EDIL3: variants seen among roughly 807,000 people sequenced by gnomAD.
The protein encoded by EDIL3 is EGF-like repeat and discoidin I-like domain-containing protein 3.
In EDIL3, 37 loss-of-function variants were observed where a neutral mutation model predicts 67.4. The ratio of observed to expected loss-of-function variants is 0.55; its 90% CI spans 0.42 to 0.72. The LOEUF is 0.72. Among genes scored for constraint, EDIL3 ranks in the 30% least tolerant of loss-of-function variants. The pLI, the probability that EDIL3 is intolerant of heterozygous loss-of-function variation, is 0.00. For missense variants in EDIL3, 527 were observed against 586.3 expected (o/e 0.90, Z 1.04); for synonymous variants, 195 against 196.3 (o/e 0.99, Z 0.05).
chr5:84,115,846 G>T (rs1747654320), intron 5 of EDIL3, among the ~76,000 whole-genome samples: 1 of 152,224 alleles, frequency 6.6e-6, no homozygotes, highest in South Asian at 2.1e-4. Context: ...AATGCTAAAA[G>T]AGGGACTGAG....
chr5:84,101,400 C>T (rs956919103), intron 6 of EDIL3, among the ~76,000 whole-genome samples: 13 of 151,874 alleles, frequency 8.6e-5, no homozygotes, highest in Admixed American at 6.6e-4. Context: ...TTAAAAAATT[C>T]AAGAGGTTGT....
At chr5:84,239,120 T>C (rs1366052830) in intron 2 of EDIL3, among the ~76,000 whole-genome samples, 2 of 152,182 alleles carry the variant, frequency 1.3e-5, no homozygotes, top group Non-Finnish European at 2.9e-5. Context: ...ATGAGGCCCA[T>C]TCTTTGACAG....
Position 84,009,237 on chromosome 5 carries a change from G to A in EDIL3, c.1138-45877C>T, listed in dbSNP as rs192822973. Among the ~76,000 whole-genome samples the A allele has an allele frequency of 1.6e-4, 24 of 152,248 alleles. No individual in the cohort carries two copies. The East Asian group carries it at 1.7e-3, about 11-fold the overall frequency. On this transcript the variant is annotated intron_variant, in intron 9 of 10. Coordinates refer to ENST00000296591, the MANE Select transcript of EDIL3 (RefSeq NM_005711.5). ...ACAGCCACTTTCTTTATAAAATCCT[G>A]CTTAATGAGGTTTATTTCTGTTTAA... is the stretch of plus-strand genomic sequence containing the variant.
chr5:84,361,201 G>T (rs2112201089), intron 1 of EDIL3, among the ~76,000 whole-genome samples: 1 of 151,518 alleles, frequency 6.6e-6, no homozygotes, highest in Admixed American at 6.6e-5. Context: ...CTTCAAGTGT[G>T]AACAAAAATG....
intron 4 of EDIL3, among the ~76,000 whole-genome samples, chr5:84,161,522 G>C (rs1201798882): frequency 6.6e-6 from 1 of 151,658 alleles, no homozygotes; most frequent in African/African-American, 2.4e-5. Context: ...CCTAATACTA[G>C]ATATTTGTTT....
At chr5:84,226,870 A>C (rs1744462368) in intron 3 of EDIL3, among the ~76,000 whole-genome samples, 1 of 152,030 alleles carries the variant, frequency 6.6e-6, no homozygotes, top group African/African-American at 2.4e-5. Context: ...ATTTTGAAGA[A>C]AAAATGTTCA....
intron 1 of EDIL3, among the ~76,000 whole-genome samples, chr5:84,321,868 A>G (rs1746655627): frequency 6.6e-6 from 1 of 151,960 alleles, no homozygotes; most frequent in Non-Finnish European, 1.5e-5. Flanking sequence ...TCATTTTTCT[A>G]TTTTTCCCAT....
In EDIL3 at chr5:84,129,843, C is replaced by T. The variant is rs545989668; in HGVS notation, c.469+7398G>A. Among the ~76,000 whole-genome samples the T allele has an allele frequency of 2.4e-4, 37 of 152,136 alleles. No homozygotes were observed. In the South Asian group the frequency reaches 3.5e-3, roughly 14 times the overall value. On this transcript the variant is annotated intron_variant, in intron 5 of 10. Coordinates refer to ENST00000296591, the MANE Select transcript of EDIL3 (RefSeq NM_005711.5). ...GTATATAAACATGGTTTGGCATGGA[C>T]AGATCACAACCCCAAATGAAATTTC...
At chr5:83,963,096 T>TATATGGATACTATTTTCAGTAC in intron 10 of EDIL3, 109 bp downstream of exon 10, 1 of 1,320,982 alleles carries the variant, frequency 7.6e-7, no homozygotes, top group East Asian at 2.5e-5. Flanking sequence ...ATTTTCAGTA[T>TATATGGATACTATTTTCAGTAC]ATATGGATAC....
At chr5:84,091,972 T>C (rs577643349) in intron 6 of EDIL3, among the ~76,000 whole-genome samples, 7 of 152,186 alleles carry the variant, frequency 4.6e-5, no homozygotes, top group African/African-American at 1.7e-4. Context: ...TTTACCAACA[T>C]AGGAGAAGAG....
intron 6 of EDIL3, among the ~76,000 whole-genome samples, chr5:84,102,073 T>C (rs1747377327): frequency 6.6e-6 from 1 of 152,056 alleles, no homozygotes; most frequent in South Asian, 2.1e-4. Flanking sequence ...AAAAACCACA[T>C]GATCATCTCA....
chr5:84,043,491 T>C (rs1039455422), intron 9 of EDIL3, among the ~76,000 whole-genome samples: 5 of 152,160 alleles, frequency 3.3e-5, no homozygotes, highest in African/African-American at 1.2e-4. Context: ...GATACACATA[T>C]GTTGTATATA....
chr5:84,229,245 T>C (rs1744514635), intron 3 of EDIL3, among the ~76,000 whole-genome samples: 1 of 152,178 alleles, frequency 6.6e-6, no homozygotes, highest in African/African-American at 2.4e-5. Context: ...TTTGCATTCT[T>C]CATTGCACAT....
intron 3 of EDIL3, among the ~76,000 whole-genome samples, chr5:84,227,098 G>C (rs937478219): frequency 1.3e-5 from 2 of 151,968 alleles, no homozygotes; most frequent in Non-Finnish European, 2.9e-5. Context: ...AAATGAAAAT[G>C]AATTGGGCTA....
At position 84,179,102 on chromosome 5, in the gene EDIL3, G is replaced by C. The variant is rs148339360; in HGVS notation, c.355+1291C>G. On this transcript the variant is annotated intron_variant, in intron 4 of 10. Transcript: ENST00000296591. ...TGGGGTGGCCAGTCTGTTTCCCTCT[G>C]GGCACTGCCTCTGATGCCACATCAC... is the stretch of plus-strand genomic sequence containing the variant. Among the ~76,000 whole-genome samples, 11 of 152,220 alleles carry C rather than the reference G, an allele frequency of 7.2e-5. No homozygotes were observed. The East Asian group carries it at 2.1e-3, about 29-fold the overall frequency.
At chr5:84,160,511 T>G (rs924790684) in intron 4 of EDIL3, among the ~76,000 whole-genome samples, 5 of 152,128 alleles carry the variant, frequency 3.3e-5, no homozygotes, top group African/African-American at 9.7e-5. Context: ...TTAACGACAT[T>G]AAAACATGAA....
chr5:84,156,745 T>C (rs749235634), intron 4 of EDIL3, among the ~76,000 whole-genome samples: 11 of 152,134 alleles, frequency 7.2e-5, no homozygotes, highest in Non-Finnish European at 1.2e-4. Flanking sequence ...CAAAATAAAA[T>C]CATTTCTTCT....
chr5:84,048,599 A>C (rs1412883231), intron 9 of EDIL3, among the ~76,000 whole-genome samples: 3 of 151,988 alleles, frequency 2.0e-5, no homozygotes, highest in East Asian at 3.9e-4. Context: ...CCAAAAGATC[A>C]TTTCTTAGGT....
chr5:84,050,857 T>C (rs1746323217), intron 9 of EDIL3, among the ~76,000 whole-genome samples: 1 of 152,228 alleles, frequency 6.6e-6, no homozygotes, highest in Admixed American at 6.5e-5. Context: ...CAAGGAGGCC[T>C]GCCTGCCTCT....
Sources: gnomAD v4.1 joint callset for allele counts (sites outside exome capture counted in the v4.1 genomes callset) on GRCh38, gnomAD v4.1.1 for gene constraint, MANE v1.5 for transcripts, NCBI Gene and HGNC (gene_info 2026-07-23, HGNC 2026-07-21) for gene names.